The following MECOM variants were observed in gnomAD, a reference collection of about 807,000 sequenced individuals.
MECOM encodes MDS1 and EVI1 complex locus.
Under a neutral mutation model 116.3 loss-of-function variants are expected in MECOM, and 13 were observed. The ratio of observed to expected loss-of-function variants is 0.11; its 90% CI spans 0.07 to 0.18. The LOEUF is 0.18. Among genes scored for constraint, MECOM ranks in the 10% least tolerant of loss-of-function variants. The pLI is 1.00. For missense variants in MECOM, 1,299 were observed against 1,509.0 expected, an observed-to-expected ratio of 0.86 and a Z score of 2.31; for synonymous variants, 528 against 535.2, an observed-to-expected ratio of 0.99 and a Z score of 0.19.
intron 2 of MECOM, among the ~76,000 whole-genome samples, chr3:169,358,916 T>C (rs879849152): frequency 2.0e-5 from 3 of 151,784 alleles, no homozygotes; most frequent in Non-Finnish European, 4.4e-5. Context: ...CCCTTACCCA[T>C]GTGGGTAATG....
intron 10 of MECOM, among the ~76,000 whole-genome samples, chr3:169,107,283 T>A (rs900677459): frequency 6.6e-6 from 1 of 152,160 alleles, no homozygotes; most frequent in Non-Finnish European, 1.5e-5. Flanking sequence ...CAGTATTCTT[T>A]GTATCCTGAA....
intron 2 of MECOM, among the ~76,000 whole-genome samples, chr3:169,193,781 A>G (rs1748029809): frequency 6.6e-6 from 1 of 152,040 alleles, no homozygotes. Flanking sequence ...AGTCATTGTT[A>G]CAATTTAAGT....
At chr3:169,576,830 C>CAG (rs1473772019) in intron 1 of MECOM, among the ~76,000 whole-genome samples, 45 of 97,376 alleles carry the variant, frequency 4.6e-4, no homozygotes, top group African/African-American at 1.0e-3. Context: ...CACACACACA[C>CAG]ACACACACAG....
chr3:169,187,894 T>A (rs1746987449), intron 2 of MECOM, among the ~76,000 whole-genome samples: 1 of 152,128 alleles, frequency 6.6e-6, no homozygotes, highest in Non-Finnish European at 1.5e-5. Context: ...ACTGGGGCTG[T>A]CTAACTTGTA....
chr3:169,271,032 C>A (rs1758881571), intron 2 of MECOM, among the ~76,000 whole-genome samples: 1 of 152,190 alleles, frequency 6.6e-6, no homozygotes, highest in Admixed American at 6.5e-5. Context: ...CTGGCCTGAG[C>A]ACTTCACTCC....
chr3:169,459,886 T>C (rs562088880), intron 1 of MECOM, among the ~76,000 whole-genome samples: 2 of 152,190 alleles, frequency 1.3e-5, no homozygotes, highest in Admixed American at 6.5e-5. Context: ...TGCTAGGCAG[T>C]GGAGAAGCAC....
intron 1 of MECOM, among the ~76,000 whole-genome samples, chr3:169,520,479 A>C (rs764054460): frequency 2.6e-5 from 4 of 152,114 alleles, no homozygotes; most frequent in Non-Finnish European, 5.9e-5. Context: ...TCCTCACAAA[A>C]AGGGGATGGA....
intron 2 of MECOM, among the ~76,000 whole-genome samples, chr3:169,161,277 A>G (rs902877008): frequency 6.6e-6 from 1 of 152,180 alleles, no homozygotes; most frequent in African/African-American, 2.4e-5. Context: ...CACTACTGGG[A>G]AGACCAACCC....
chr3:169,165,613 C>T (rs770458426), intron 2 of MECOM, among the ~76,000 whole-genome samples: 7 of 152,042 alleles, frequency 4.6e-5, no homozygotes, highest in Non-Finnish European at 7.4e-5. Context: ...ACTTTATGTA[C>T]CATACGAAAT....
At chr3:169,449,398 A>C (rs1578132635) in intron 1 of MECOM, among the ~76,000 whole-genome samples, 1 of 152,164 alleles carries the variant, frequency 6.6e-6, no homozygotes, top group South Asian at 2.1e-4. Context: ...TAGGGCAATC[A>C]CTGAGGTCTG....
rs1250393145 is a variant in MECOM at position 169,663,541 on chromosome 3, G to T, written c.-169C>A. ...CTCTCTCTCTCTCTCCCTCCCTCCT[G>T]TTTCTCTCCTGTTTCTCTCTCTCTT... On this transcript the variant is annotated 5_prime_UTR_variant, in exon 1 of 17. Coordinates refer to ENST00000651503, the MANE Select transcript of MECOM (RefSeq NM_004991.4). 7 of 554,256 alleles carry T rather than the reference G, an allele frequency of 1.3e-5. No homozygotes were observed. The highest frequency in any genetic ancestry group is 8.5e-5 in the African/African-American group (3 of 35,214). 34.3% of individuals were successfully genotyped at this position (554,256 alleles called of 1,614,324 possible).
At chr3:169,570,786 A>G (rs1389604531) in intron 1 of MECOM, among the ~76,000 whole-genome samples, 4 of 152,202 alleles carry the variant, frequency 2.6e-5, no homozygotes, top group Non-Finnish European at 4.4e-5. Context: ...ATAAAATTCA[A>G]CACCCCTCAT....
intron 1 of MECOM, among the ~76,000 whole-genome samples, chr3:169,588,641 A>G (rs1051936951): frequency 6.6e-6 from 1 of 152,136 alleles, no homozygotes; most frequent in African/African-American, 2.4e-5. Context: ...TGAAGAAAAA[A>G]GTCATACTGA....
chr3:169,178,266 C>T (rs1274734833), intron 2 of MECOM, among the ~76,000 whole-genome samples: 1 of 152,160 alleles, frequency 6.6e-6, no homozygotes, highest in East Asian at 1.9e-4. Context: ...TTGCAGGAGC[C>T]AGATGATGGA....
intron 1 of MECOM, among the ~76,000 whole-genome samples, chr3:169,570,164 C>T (rs977497779): frequency 2.0e-5 from 3 of 152,162 alleles, no homozygotes; most frequent in Admixed American, 1.3e-4. Flanking sequence ...ATTATCATCA[C>T]TGATCCCACA....
intron 1 of MECOM, among the ~76,000 whole-genome samples, chr3:169,613,299 C>T (rs1769507808): frequency 6.6e-6 from 1 of 152,142 alleles, no homozygotes; most frequent in African/African-American, 2.4e-5. Flanking sequence ...CTCATCAAAG[C>T]GTCTCTGCAA....
chr3:169,309,541 A>G (rs1718343114), intron 2 of MECOM, among the ~76,000 whole-genome samples: 1 of 152,220 alleles, frequency 6.6e-6, no homozygotes. Context: ...TTAAAAGGAA[A>G]CATATCTTCT....
intron 2 of MECOM, among the ~76,000 whole-genome samples, chr3:169,238,185 A>G (rs920618836): frequency 7.3e-5 from 11 of 151,408 alleles, no homozygotes; most frequent in African/African-American, 2.7e-4. Context: ...AAAAAAAAAA[A>G]AAAAAGAAAA....
At chr3:169,507,817 C>T (rs1160669740) in intron 1 of MECOM, among the ~76,000 whole-genome samples, 1 of 139,368 alleles carries the variant, frequency 7.2e-6, no homozygotes, top group Non-Finnish European at 1.6e-5. Flanking sequence ...ACCGCCACCA[C>T]GCCCGGCTAA....
Sources: gnomAD v4.1 joint callset for allele counts (sites outside exome capture counted in the v4.1 genomes callset) on GRCh38, gnomAD v4.1.1 for gene constraint, MANE v1.5 for transcripts, NCBI Gene and HGNC (gene_info 2026-07-23, HGNC 2026-07-21) for gene names.